PARD3B: variants seen among roughly 807,000 people sequenced by gnomAD.
PARD3B encodes partitioning defective 3 homolog B.
PARD3B carries 103 observed loss-of-function variants against 130.2 expected under a neutral mutation model. That is an observed-to-expected ratio of 0.79 (90% CI 0.67 to 0.93). The LOEUF (loss-of-function observed/expected upper bound fraction) is 0.93. PARD3B is among the 40% of genes least tolerant of loss of function. PARD3B has a pLI of 0.00. For synonymous variants in PARD3B, 583 were observed against 553.2 expected (o/e 1.05, Z -0.76); for missense variants, 1,609 against 1,499.2 (o/e 1.07, Z -1.21).
In PARD3B at chr2:205,440,508, G is replaced by A; in HGVS notation, c.2880G>A (p.Arg960=). 4 of 1,613,958 alleles carry A rather than the reference G, an allele frequency of 2.5e-6. No individual in the cohort carries two copies. The highest frequency in any genetic ancestry group is 3.4e-6 in the Non-Finnish European group (4 of 1,179,966). The change falls in exon 20 of 23, where the codon CGG becomes CGA. Residue 960 remains arginine (R), a synonymous_variant. Transcript: ENST00000406610. This position sits in a 1 kb window ranked among gnomAD's most constrained non-coding sequence, Gnocchi z 4.2. ...ATTATGCCAGAGTGAACCACTTTCG[G>A]GAACCATGCACATCAGCAAATGTCT... ...DPNYARVNHF[R]EPCTSANVFR... is the part of the protein sequence containing the mutation.
chr2:204,962,470 T>A (rs1021971806), intron 2 of PARD3B, among the ~76,000 whole-genome samples: 7 of 152,184 alleles, frequency 4.6e-5, no homozygotes, highest in Non-Finnish European at 1.0e-4. Flanking sequence ...GTGGGAAAGA[T>A]AACTTTGAAT....
At chr2:205,522,572 T>G (rs1186475301) in intron 21 of PARD3B, among the ~76,000 whole-genome samples, 1 of 130,768 alleles carries the variant, frequency 7.6e-6, no homozygotes, top group Non-Finnish European at 1.6e-5. Context: ...AAATACTTAC[T>G]GAGTTCCTAT....
intron 2 of PARD3B, among the ~76,000 whole-genome samples, chr2:204,796,921 T>C (rs1242850804): frequency 1.3e-5 from 2 of 152,166 alleles, no homozygotes; most frequent in Non-Finnish European, 2.9e-5. Flanking sequence ...ATGCCTGTAA[T>C]CTTAGCACTT....
At chr2:204,728,884 G>A (rs2039362475) in intron 2 of PARD3B, among the ~76,000 whole-genome samples, 1 of 152,174 alleles carries the variant, frequency 6.6e-6, no homozygotes, top group South Asian at 2.1e-4. Context: ...GAGACATTGG[G>A]AAGGACAGAC....
chr2:205,420,053 G>A (rs570095998), intron 19 of PARD3B, among the ~76,000 whole-genome samples: 3 of 152,140 alleles, frequency 2.0e-5, no homozygotes, highest in South Asian at 2.1e-4. Flanking sequence ...TCAATTAACC[G>A]TAACACACCT....
chr2:204,781,857 CG>C (rs1364759619), intron 2 of PARD3B, among the ~76,000 whole-genome samples: 1 of 151,804 alleles, frequency 6.6e-6, no homozygotes, highest in East Asian at 1.9e-4. Flanking sequence ...AGTGCTTAAC[CG>C]GCTGTTTATT....
intron 22 of PARD3B, among the ~76,000 whole-genome samples, chr2:205,573,211 T>A (rs1575396605): frequency 6.6e-6 from 1 of 152,068 alleles, no homozygotes; most frequent in African/African-American, 2.4e-5. Flanking sequence ...GGTGGGGACA[T>A]ACAACCAAGC....
intron 3 of PARD3B, among the ~76,000 whole-genome samples, chr2:204,996,954 G>A (rs1011455902): frequency 8.6e-5 from 13 of 151,990 alleles, no homozygotes; most frequent in Admixed American, 2.0e-4. Context: ...CATGGTGCGC[G>A]CACACACTGG....
intron 20 of PARD3B, among the ~76,000 whole-genome samples, chr2:205,455,625 T>C (rs906557133): frequency 2.6e-5 from 4 of 152,090 alleles, no homozygotes; most frequent in Non-Finnish European, 4.4e-5. Context: ...CATATAGTTA[T>C]AATTATTATA....
chr2:205,028,796 T>A (rs1243117424), intron 3 of PARD3B, among the ~76,000 whole-genome samples: 2 of 152,154 alleles, frequency 1.3e-5, no homozygotes, highest in Non-Finnish European at 2.9e-5. Context: ...AAAGAAACTG[T>A]TAAAACTAAT....
chr2:204,558,783 T>G (rs1368307696), intron 1 of PARD3B, among the ~76,000 whole-genome samples: 1 of 152,174 alleles, frequency 6.6e-6, no homozygotes, highest in African/African-American at 2.4e-5. Flanking sequence ...GCTACCTGAC[T>G]TCAAACTATA....
chr2:204,827,823 C>G (rs1008267842), intron 2 of PARD3B, among the ~76,000 whole-genome samples: 3 of 152,208 alleles, frequency 2.0e-5, no homozygotes, highest in Non-Finnish European at 4.4e-5. Context: ...TCTTCGTTCC[C>G]TGGAGTAAAT....
chr2:205,553,516 C>A, intron 22 of PARD3B, 113 bp downstream of exon 22: 1 of 1,039,412 alleles, frequency 9.6e-7, no homozygotes, highest in Middle Eastern at 2.6e-4. Flanking sequence ...TATAATTTTG[C>A]CTTGCTGCCG....
intron 2 of PARD3B, among the ~76,000 whole-genome samples, chr2:204,741,708 G>A (rs74709690): frequency 3.3e-5 from 5 of 152,154 alleles, no homozygotes; most frequent in East Asian, 1.9e-4. Context: ...AATTATACCC[G>A]TAATTTGGCA....
chr2:204,926,718 A>G (rs913118263), intron 2 of PARD3B, among the ~76,000 whole-genome samples: 75 of 152,128 alleles, frequency 4.9e-4, no homozygotes, highest in African/African-American at 1.6e-3. Context: ...GACCTCTTAA[A>G]TTCTGGTACA....
At chr2:204,649,231 T>C (rs1025220187) in intron 1 of PARD3B, among the ~76,000 whole-genome samples, 2 of 151,166 alleles carry the variant, frequency 1.3e-5, no homozygotes, top group African/African-American at 2.4e-5. Context: ...GAACATGTTA[T>C]TTAAAGTGTG....
Position 205,440,641 on chromosome 2 carries a change from A to T in PARD3B, c.3013A>T (p.Lys1005Ter). 6.2e-7 allele frequency: 1 copy of T among 1,613,922 alleles called. No individual in the cohort carries two copies. Among genetic ancestry groups the T allele is most frequent in the Non-Finnish European group, 8.5e-7 (1 of 1,179,842 alleles). Residue 1005 changes from lysine (K) to a stop codon, truncating the protein, a stop_gained, in exon 20 of 23, where the codon AAG (lysine) becomes TAG (stop). Coordinates refer to ENST00000406610, the MANE Select transcript of PARD3B (RefSeq NM_001302769.2). LOFTEE classifies it high-confidence loss of function. The surrounding 1 kb of genome is among the most constrained non-coding windows in gnomAD (Gnocchi z 4.2). Reference sequence around the variant, plus strand: ...AGAGGGTCTCTATGCCAAGGTCAACAAGCCATACCATCCACTGGTTCCAGC... The same window carrying T: ...AGAGGGTCTCTATGCCAAGGTCAACTAGCCATACCATCCACTGGTTCCAGC... Reference protein sequence around the residue: ...HLEGLYAKVNKPYHPLVPADS... With the variant: ...HLEGLYAKVN
At chr2:205,607,641 G>A (rs1486381192) in intron 22 of PARD3B, among the ~76,000 whole-genome samples, 3 of 152,186 alleles carry the variant, frequency 2.0e-5, no homozygotes, top group Admixed American at 2.0e-4. Flanking sequence ...GCTGTGCTCA[G>A]CAGGCTTATG....
chr2:204,998,128 A>G (rs1052774628), intron 3 of PARD3B, among the ~76,000 whole-genome samples: 4 of 149,142 alleles, frequency 2.7e-5, no homozygotes, highest in Non-Finnish European at 3.0e-5. Context: ...TAAGAATTAG[A>G]GAAGACACGG....
Sources: gnomAD v4.1 joint callset for allele counts (sites outside exome capture counted in the v4.1 genomes callset) on GRCh38, gnomAD v4.1.1 for gene constraint, Gnocchi (gnomAD v3.1) non-coding constraint, MANE v1.5 for transcripts, NCBI Gene and HGNC (gene_info 2026-07-23, HGNC 2026-07-21) for gene names.